Variants in PRR16 observed in about 807,000 individuals in gnomAD.
The protein encoded by PRR16 is protein Largen.
In PRR16, 6 loss-of-function variants were observed where a neutral mutation model predicts 18.2. That is an observed-to-expected ratio of 0.33 (90% CI 0.18 to 0.65). PRR16 has a LOEUF of 0.65. Among genes scored for constraint, PRR16 ranks in the 30% least tolerant of loss-of-function variants. The pLI is 0.74. For missense variants in PRR16, 412 were observed against 376.6 expected, an observed-to-expected ratio of 1.09 and a Z score of -0.78; for synonymous variants, 151 against 147.8, an observed-to-expected ratio of 1.02 and a Z score of -0.16.
chr5:120,624,855 A>C (rs1480881272), intron 1 of PRR16, among the ~76,000 whole-genome samples: 1 of 151,954 alleles, frequency 6.6e-6, no homozygotes, highest in Non-Finnish European at 1.5e-5. Flanking sequence ...TGGGGGGTGG[A>C]TCTTTCCTTC....
intron 1 of PRR16, among the ~76,000 whole-genome samples, chr5:120,472,941 A>G (rs778492116): frequency 4.6e-5 from 7 of 152,204 alleles, no homozygotes; most frequent in Non-Finnish European, 8.8e-5. Context: ...TTGTAAATTA[A>G]GCATATTCTC....
the PRR16 span, among the ~76,000 whole-genome samples, chr5:120,753,419 T>G: frequency 6.6e-6 from 1 of 151,902 alleles, no homozygotes; most frequent in African/African-American, 2.4e-5. Flanking sequence ...AAAAGAAATG[T>G]CCCCATTTGT....
intron 1 of PRR16, among the ~76,000 whole-genome samples, chr5:120,620,855 A>G (rs904322824): frequency 6.6e-6 from 1 of 152,134 alleles, no homozygotes; most frequent in Non-Finnish European, 1.5e-5. Flanking sequence ...AATGAATTCC[A>G]ACTTTGTATC....
chr5:120,759,197 TGA>T, the PRR16 span, among the ~76,000 whole-genome samples: 1 of 151,876 alleles, frequency 6.6e-6, no homozygotes. Context: ...AGGATGGTAT[TGA>T]TCTCCTGACC....
chr5:120,470,912 T>C (rs375264605), intron 1 of PRR16, among the ~76,000 whole-genome samples: 35 of 152,278 alleles, frequency 2.3e-4, no homozygotes, highest in African/African-American at 8.4e-4. Flanking sequence ...TTTCCTATTT[T>C]TTTTTTAACA....
At chr5:120,719,767 C>T in the PRR16 span, among the ~76,000 whole-genome samples, 1 of 151,752 alleles carries the variant, frequency 6.6e-6, no homozygotes, top group African/African-American at 2.4e-5. Flanking sequence ...ATATTATGAC[C>T]CTTGTCTTTG....
At chr5:120,681,255 C>A (rs938624920) in intron 1 of PRR16, among the ~76,000 whole-genome samples, 13 of 151,858 alleles carry the variant, frequency 8.6e-5, no homozygotes, top group African/African-American at 3.1e-4. Flanking sequence ...ATTGAGTTTC[C>A]TTTGCTCACT....
the PRR16 span, among the ~76,000 whole-genome samples, chr5:120,764,155 C>G: frequency 8.9e-6 from 1 of 112,858 alleles, no homozygotes; most frequent in African/African-American, 4.9e-5. Flanking sequence ...AGAGGAAAAG[C>G]TTTCAGCTTT....
chr5:120,661,336 A>G (rs1185556128), intron 1 of PRR16, among the ~76,000 whole-genome samples: 1 of 151,996 alleles, frequency 6.6e-6, no homozygotes, highest in African/African-American at 2.4e-5. Flanking sequence ...GACCAACCTG[A>G]CTTTTCTCCC....
chr5:120,539,977 T>G (rs1265282107), intron 1 of PRR16, among the ~76,000 whole-genome samples: 1 of 152,114 alleles, frequency 6.6e-6, no homozygotes, highest in African/African-American at 2.4e-5. Flanking sequence ...GCCTGGCACT[T>G]TTAAAGCCTG....
At chr5:120,636,316 C>A (rs1755225837) in intron 1 of PRR16, among the ~76,000 whole-genome samples, 1 of 152,020 alleles carries the variant, frequency 6.6e-6, no homozygotes, top group Admixed American at 6.6e-5. Context: ...GCCCACATAG[C>A]CAAAGCAAGA....
chr5:120,723,013 T>G, the PRR16 span, among the ~76,000 whole-genome samples: 1 of 151,750 alleles, frequency 6.6e-6, no homozygotes, highest in African/African-American at 2.4e-5. Context: ...TTTTAACAAA[T>G]ATTAAAATTT....
intron 1 of PRR16, 150 bp downstream of exon 1, chr5:120,464,795 T>C: frequency 1.2e-6 from 1 of 803,628 alleles, no homozygotes; most frequent in Non-Finnish European, 1.9e-6. Flanking sequence ...GCTCCTGGAG[T>C]CCTGAGAGGA....
chr5:120,778,827 A>T, the PRR16 span, among the ~76,000 whole-genome samples: 8 of 152,196 alleles, frequency 5.3e-5, no homozygotes, highest in Non-Finnish European at 1.2e-4. Flanking sequence ...GGTTTTGTAA[A>T]GATGAAAGCA....
chr5:120,534,770 C>G (rs865943340), intron 1 of PRR16, among the ~76,000 whole-genome samples: 38 of 152,190 alleles, frequency 2.5e-4, no homozygotes, highest in Middle Eastern at 3.4e-3. Context: ...TTTGTTGCCT[C>G]TATGTATTTA....
At chr5:120,550,773 A>G (rs1312593134) in intron 1 of PRR16, among the ~76,000 whole-genome samples, 2 of 152,048 alleles carry the variant, frequency 1.3e-5, no homozygotes, top group Non-Finnish European at 2.9e-5. Context: ...TCTCATTGTT[A>G]ACATGAATTT....
At chr5:120,712,238 C>T in the PRR16 span, among the ~76,000 whole-genome samples, 1 of 152,012 alleles carries the variant, frequency 6.6e-6, no homozygotes, top group Non-Finnish European at 1.5e-5. Context: ...AAAATCTACT[C>T]TTTAGCAAAT....
chr5:120,524,324 T>C (rs1450902755), intron 1 of PRR16, among the ~76,000 whole-genome samples: 1 of 152,192 alleles, frequency 6.6e-6, no homozygotes, highest in Non-Finnish European at 1.5e-5. Context: ...TTAATGCTAA[T>C]TGAAATCACG....
Position 120,467,566 on chromosome 5 carries a change from C to T in PRR16, c.159+2921C>T, listed in dbSNP as rs150666511. 8.4e-3 allele frequency among the ~76,000 whole-genome samples: 1,277 copies of T among 152,148 alleles called. 13 individuals carry two copies. Among genetic ancestry groups the T allele is most frequent in the Middle Eastern group, 0.027 (8 of 294 alleles). Reference sequence around the variant, plus strand: ...TTTCTGGGCTTAAGTCATCTGAAAACTCAGGTAGTAGGATAGAATCAAACA... The same window carrying T: ...TTTCTGGGCTTAAGTCATCTGAAAATTCAGGTAGTAGGATAGAATCAAACA... On this transcript the variant is annotated intron_variant, in intron 1 of 1. Transcript: ENST00000407149.
Sources: allele counts gnomAD v4.1 joint callset (sites outside exome capture counted in the v4.1 genomes callset), GRCh38; gene constraint gnomAD v4.1.1; transcripts MANE v1.5; gene names NCBI Gene and HGNC (gene_info 2026-07-23, HGNC 2026-07-21).